BSG: variants seen among roughly 807,000 people sequenced by gnomAD.
BSG encodes the protein basigin (Ok blood group), also known as basigin.
In BSG, 37 loss-of-function variants were observed where a neutral mutation model predicts 43.1. The ratio of observed to expected loss-of-function variants is 0.86; its 90% confidence interval spans 0.66 to 1.13. The LOEUF (loss-of-function observed/expected upper bound fraction) is 1.13, where lower values mean the gene tolerates loss of function less well. Among genes scored for constraint, BSG ranks in the 50% most tolerant of loss-of-function variants. BSG has a pLI of 0.00. For missense variants in BSG, 599 were observed against 554.2 expected (o/e 1.08, Z -0.81); for synonymous variants, 309 against 238.7 (o/e 1.29, Z -2.72).
intron 1 of BSG, among the ~76,000 whole-genome samples, chr19:573,893 T>C (rs1981518197): frequency 6.6e-6 from 1 of 152,248 alleles, no homozygotes; most frequent in Non-Finnish European, 1.5e-5. Flanking sequence ...GAGAAAAGCA[T>C]GACATCCTTT....
intron 3 of BSG, 146 bp from the exon 4 acceptor site, chr19:580,233 G>C: frequency 1.5e-6 from 1 of 682,122 alleles, no homozygotes; most frequent in Non-Finnish European, 2.5e-6. Flanking sequence ...GCCGCACGGG[G>C]ACCCCAGGAG....
intron 1 of BSG, among the ~76,000 whole-genome samples, chr19:576,738 G>C (rs1981803257): frequency 7.1e-6 from 1 of 140,462 alleles, no homozygotes; most frequent in East Asian, 2.2e-4. Context: ...AACAGAGTGA[G>C]ACTCTGTCTC....
intron 6 of BSG, among the ~76,000 whole-genome samples, chr19:581,896 G>A (rs759080317): frequency 6.6e-5 from 10 of 152,264 alleles, no homozygotes; most frequent in Non-Finnish European, 1.3e-4. Context: ...GGCCCTTGCT[G>A]CTCTGCATGA....
rs546352239 is a variant in BSG, at chr19:573,052, C to T, written c.67+351C>T. Among the ~76,000 whole-genome samples the T allele has an allele frequency of 4.5e-4, 54 of 120,658 alleles. No homozygotes were observed. The Middle Eastern group carries it at 0.014, about 31-fold the overall frequency. 79.2% of individuals were successfully genotyped at this position (120,658 alleles called of 152,430 possible). A position where few individuals can be genotyped will look rare whatever the true frequency, so the allele number is the denominator to read the frequency against. ...GGAGGTGGGCGTCTTGCTTTTCGGT[C>T]ACCTGGGGTTGGGGGTGACCTGCTT... On this transcript the variant is annotated intron_variant, in intron 1 of 8. Coordinates refer to ENST00000333511, the MANE Select transcript of BSG (RefSeq NM_001728.4).
At chr19:571,770 CCT>C, upstream of BSG, 1 of 624,432 alleles carries the variant, frequency 1.6e-6, no homozygotes. Flanking sequence ...AGCTTCTGTT[CCT>C]CTGTCCTTTC....
rs1344656387 is a variant in BSG, at chr19:583,007, C to T, written c.*263C>T. The T allele has an allele frequency of 4.9e-6, 1 of 202,408 alleles. No individual in the cohort carries two copies. The highest frequency in any genetic ancestry group is 1.0e-5 in the Non-Finnish European group (1 of 97,628). 12.5% of individuals were successfully genotyped at this position (202,408 alleles called of 1,614,324 possible). Reference sequence around the variant, plus strand: ...CGTCTGTGGCTTTCAGCCTCTGGGTCTGAGTCATGGCCGGGTGGGCGGCAC... The same window carrying T: ...CGTCTGTGGCTTTCAGCCTCTGGGTTTGAGTCATGGCCGGGTGGGCGGCAC... On this transcript the variant is annotated 3_prime_UTR_variant, in exon 9 of 9. Transcript: ENST00000333511.
chr19:577,966 A>G lies in BSG; in HGVS notation c.260A>G (p.Gln87Arg). ...GTCCACATCCACGCCACCTACCACC[A>G]GCACGCGGCCAGCACCATCTCCATC... is the stretch of plus-strand genomic sequence containing the variant. ...DRVHIHATYH[Q>R]HAASTISIDT... Residue 87 changes from glutamine to arginine, a missense_variant, in exon 2 of 9, where the codon CAG (glutamine) becomes CGG (arginine). By Grantham distance (43) the Gln-to-Arg change is conservative (BLOSUM62 1). Coordinates refer to ENST00000333511, the MANE Select transcript of BSG (RefSeq NM_001728.4). 1 of 1,612,006 alleles carries G rather than the reference A, an allele frequency of 6.2e-7. No homozygotes were observed. Among genetic ancestry groups the G allele is most frequent in the Non-Finnish European group, 8.5e-7 (1 of 1,179,554 alleles).
Position 577,946 on chromosome 19 carries a change from C to G in BSG, c.240C>G (p.His80Gln). 1 of 1,610,924 alleles carries G rather than the reference C, an allele frequency of 6.2e-7. No individual in the cohort carries two copies. Among genetic ancestry groups the G allele is most frequent in the Non-Finnish European group, 8.5e-7 (1 of 1,178,804 alleles). Reference protein sequence around the residue: ...LWDGARLDRVHIHATYHQHAA... With the variant: ...LWDGARLDRVQIHATYHQHAA... The stretch of plus-strand genomic sequence containing the variant: ...ACGGCGCCCGGCTGGACCGCGTCCA[C>G]ATCCACGCCACCTACCACCAGCACG... Residue 80 changes from histidine (H) to glutamine (Q), a missense_variant, in exon 2 of 9, where the codon CAC (histidine) becomes CAG (glutamine). By Grantham distance (24) the His-to-Gln change is conservative. Transcript: ENST00000333511.
upstream of BSG, chr19:571,783 CCT>C: frequency 1.7e-6 from 1 of 597,914 alleles, no homozygotes; most frequent in Non-Finnish European, 3.0e-6. Flanking sequence ...CTGTCCTTTC[CCT>C]GTTGGCTGGG....
chr19:579,424 A>G (rs763650312), intron 2 of BSG, 76 bp from the exon 3 acceptor site: 3 of 1,581,804 alleles, frequency 1.9e-6, no homozygotes, highest in African/African-American at 2.7e-5. Context: ...GAGGAGCCGC[A>G]GGTTCCTGGG....
chr19:572,050 G>A (rs1410893339), upstream of BSG: 1 of 155,222 alleles, frequency 6.4e-6, no homozygotes, highest in African/African-American at 2.4e-5. Context: ...TTGGGCGGAG[G>A]AGGTCACTTC....
chr19:580,700 C>T lies in BSG; in HGVS notation c.710C>T (p.Thr237Met), dbSNP rs372619724. 2.0e-5 allele frequency: 32 copies of T among 1,612,730 alleles called. No individual in the cohort carries two copies. Among genetic ancestry groups the T allele is most frequent in the East Asian group, 2.2e-5 (1 of 44,880 alleles). Residue 237 changes from threonine (T) to methionine (M), a missense_variant, in exon 5 of 9, where the codon ACG becomes ATG. By Grantham distance (81) the Thr-to-Met change is moderately conservative. Transcript: ENST00000333511. ...TCAGAACACATCAACGAGGGGGAGA[C>T]GGCCATGCTGGTCTGCAAGTCAGAG... ...KSSEHINEGE[T>M]AMLVCKSESV...
At position 581,398 on chromosome 19, in the gene BSG, G is replaced by A. The variant is rs1982305843; in HGVS notation, c.876G>A (p.Met292Ile). The A allele has an allele frequency of 6.2e-7, 1 of 1,612,820 alleles. No individual in the cohort carries two copies. The highest frequency in any genetic ancestry group is 8.5e-7 in the Non-Finnish European group (1 of 1,179,962). Residue 292 changes from methionine to isoleucine, a missense_variant, in exon 6 of 9, where the codon ATG becomes ATA. Physicochemically the swap from Met to Ile is conservative, Grantham distance 10. Coordinates refer to ENST00000333511, the MANE Select transcript of BSG (RefSeq NM_001728.4). ...AGCTACACATTGAGAACCTGAACAT[G>A]GAGGCCGACCCCGGCCAGTACCGGT... ...RSELHIENLNMEADPGQYRCN... is the reference protein window; with the variant it reads ...RSELHIENLNIEADPGQYRCN...
At chr19:572,260 C>T, upstream of BSG, 2 of 430,838 alleles carry the variant, frequency 4.6e-6, no homozygotes, top group Non-Finnish European at 6.2e-6. Context: ...CAGATAAAAT[C>T]TGGGTAACAC....
chr19:571,660 C>G, upstream of BSG: 1 of 767,720 alleles, frequency 1.3e-6, no homozygotes. Flanking sequence ...CAAAGAGAAA[C>G]CAGCACTTAG....
At chr19:573,033 G>A (rs1007273603) in intron 1 of BSG, among the ~76,000 whole-genome samples, 9 of 139,184 alleles carry the variant, frequency 6.5e-5, no homozygotes, top group Non-Finnish European at 1.2e-4. Context: ...CAGGGGAGGT[G>A]GGCGTCTTGC....
chr19:573,950 T>G (rs1325054833), intron 1 of BSG, among the ~76,000 whole-genome samples: 1 of 152,222 alleles, frequency 6.6e-6, no homozygotes, highest in Non-Finnish European at 1.5e-5. Context: ...CCCATTTGGT[T>G]CTGGGTTAAA....
intron 1 of BSG, among the ~76,000 whole-genome samples, chr19:574,514 T>A (rs1400204274): frequency 6.6e-6 from 1 of 150,866 alleles, no homozygotes; most frequent in African/African-American, 2.4e-5. Context: ...GATCGCGCCA[T>A]TGCACTCCAG....
At chr19:571,802 C>T (rs1380738792), upstream of BSG, 5 of 582,452 alleles carry the variant, frequency 8.6e-6, no homozygotes, top group East Asian at 5.8e-5. Context: ...TGGGGTTGGA[C>T]GCCCACAATC....
Sources: gnomAD v4.1 joint callset for allele counts (sites outside exome capture counted in the v4.1 genomes callset) on GRCh38, gnomAD v4.1.1 for gene constraint, MANE v1.5 for transcripts, NCBI Gene and HGNC (gene_info 2026-07-23, HGNC 2026-07-21) for gene names.